Variants in NTM observed in about 807,000 individuals in gnomAD.
The protein encoded by NTM is neurotrimin, also known as IgLON family member 2.
A neutral mutation model predicts 42.1 loss-of-function variants in NTM; 13 were observed. The observed-to-expected ratio is 0.31, with a 90% confidence interval of 0.20 to 0.49. The LOEUF is 0.49. NTM is among the 20% of genes least tolerant of loss of function. NTM has a pLI of 0.99. For synonymous variants in NTM, 187 were observed against 179.2 expected (o/e 1.04, Z -0.35); for missense variants, 373 against 452.8 (o/e 0.82, Z 1.60).
At chr11:132,189,171 A>C (rs562180782) in intron 3 of NTM, among the ~76,000 whole-genome samples, 28 of 152,298 alleles carry the variant, frequency 1.8e-4, no homozygotes, top group African/African-American at 6.7e-4. Flanking sequence ...GCAAGTCTAT[A>C]GTGTGTGCTT....
intron 1 of NTM, among the ~76,000 whole-genome samples, chr11:131,559,928 A>T (rs999543216): frequency 1.7e-4 from 26 of 152,220 alleles, no homozygotes; most frequent in Admixed American, 6.5e-5. Flanking sequence ...AGTCTCTAGC[A>T]TGGAAAACAG....
At chr11:131,811,481 G>A (rs578238236) in intron 1 of NTM, among the ~76,000 whole-genome samples, 1 of 152,316 alleles carries the variant, frequency 6.6e-6, no homozygotes, top group Non-Finnish European at 1.5e-5. Context: ...TGGAGGAAGA[G>A]CGAGTGGGAA....
At chr11:132,017,066 A>T (rs2073545041) in intron 2 of NTM, among the ~76,000 whole-genome samples, 1 of 151,974 alleles carries the variant, frequency 6.6e-6, no homozygotes, top group South Asian at 2.1e-4. Flanking sequence ...ATTTGCAAAT[A>T]TATTTTCCCA....
intron 1 of NTM, among the ~76,000 whole-genome samples, chr11:131,422,546 A>AT (rs1947644888): frequency 6.6e-6 from 1 of 152,186 alleles, no homozygotes; most frequent in East Asian, 1.9e-4. Flanking sequence ...TCTTGGGCAA[A>AT]TCTCAGAATC....
At chr11:131,971,246 C>T (rs1483535460) in intron 2 of NTM, among the ~76,000 whole-genome samples, 1 of 152,168 alleles carries the variant, frequency 6.6e-6, no homozygotes, top group African/African-American at 2.4e-5. Context: ...TCTCTGATTC[C>T]CATTTTTAAA....
chr11:131,899,778 G>GTT (rs35324377), intron 1 of NTM, among the ~76,000 whole-genome samples: 1 of 151,834 alleles, frequency 6.6e-6, no homozygotes, highest in Admixed American at 6.6e-5. Context: ...TTTCTTAAGA[G>GTT]TTTTTTTATT....
chr11:132,298,848 A>G (rs1446595056), intron 4 of NTM, among the ~76,000 whole-genome samples: 1 of 152,178 alleles, frequency 6.6e-6, no homozygotes, highest in Non-Finnish European at 1.5e-5. Context: ...GTCAGGATCT[A>G]TGATAAATGT....
At chr11:132,107,126 C>G (rs913164886) in intron 2 of NTM, among the ~76,000 whole-genome samples, 2 of 151,950 alleles carry the variant, frequency 1.3e-5, no homozygotes, top group Non-Finnish European at 2.9e-5. Context: ...GAATAGAGAC[C>G]CGTTCTCATG....
intron 1 of NTM, among the ~76,000 whole-genome samples, chr11:131,833,141 T>C (rs1310199550): frequency 6.6e-6 from 1 of 152,234 alleles, no homozygotes; most frequent in Non-Finnish European, 1.5e-5. Context: ...GACCACATAT[T>C]TTAGATTTCA....
At chr11:131,538,223 C>T (rs913320121) in intron 1 of NTM, 3 of 152,158 alleles carry the variant, frequency 2.0e-5, no homozygotes, top group Non-Finnish European at 4.4e-5. Context: ...CAGCAATGCA[C>T]AGGACTGTAG....
At chr11:132,072,819 C>G (rs1407965116) in intron 2 of NTM, among the ~76,000 whole-genome samples, 1 of 152,258 alleles carries the variant, frequency 6.6e-6, no homozygotes, top group South Asian at 2.1e-4. Flanking sequence ...TGTGATTCCT[C>G]CTCACTGTGG....
At chr11:131,699,562 T>C (rs2135149709) in intron 1 of NTM, among the ~76,000 whole-genome samples, 1 of 152,292 alleles carries the variant, frequency 6.6e-6, no homozygotes, top group Non-Finnish European at 1.5e-5. Context: ...CTCATGCTGC[T>C]AATAAAGACA....
rs148277292 is a variant in NTM at position 131,496,755 on chromosome 11, A to T, written c.82+125867A>T. Among the ~76,000 whole-genome samples, 406 of 152,348 alleles carry T rather than the reference A, an allele frequency of 2.7e-3. 2 individuals carry two copies. The highest frequency in any genetic ancestry group is 9.2e-3 in the African/African-American group (383 of 41,572). ...AATCCCAAATGGGTGTGTGGCTGCC[A>T]GGCATGCTGGCCCAGACAGCACCTC... is the stretch of plus-strand genomic sequence containing the variant. On this transcript the variant is annotated intron_variant, in intron 1 of 8. Transcript: ENST00000683400.
At chr11:131,785,668 T>C (rs1228984733) in intron 1 of NTM, among the ~76,000 whole-genome samples, 1 of 152,222 alleles carries the variant, frequency 6.6e-6, no homozygotes, top group Non-Finnish European at 1.5e-5. Context: ...TCAAAGACAC[T>C]GTTCTTGTAC....
chr11:132,278,058 C>T (rs11222996), intron 4 of NTM, among the ~76,000 whole-genome samples: 5,818 of 152,264 alleles, frequency 0.038, 211 homozygotes, highest in Admixed American at 0.1. Flanking sequence ...CTGTGGTATT[C>T]ACATCAACAT....
intron 1 of NTM, among the ~76,000 whole-genome samples, chr11:131,389,277 G>A (rs760865863): frequency 1.2e-4 from 18 of 152,322 alleles, no homozygotes; most frequent in Non-Finnish European, 1.6e-4. Flanking sequence ...CTCAGAGGGT[G>A]GGACCTTGAT....
At chr11:131,509,577 A>G (rs7113360) in intron 1 of NTM, among the ~76,000 whole-genome samples, 18,636 of 152,204 alleles carry the variant, frequency 0.12, 1,359 homozygotes, top group East Asian at 0.26. Flanking sequence ...AGGAAGACAT[A>G]GAAGACCCAG....
intron 1 of NTM, among the ~76,000 whole-genome samples, chr11:131,451,215 C>G (rs1382377457): frequency 6.6e-6 from 1 of 152,088 alleles, no homozygotes; most frequent in Non-Finnish European, 1.5e-5. Flanking sequence ...ATGCCTATAT[C>G]CAAGTGGGAC....
intron 1 of NTM, among the ~76,000 whole-genome samples, chr11:131,608,261 G>C (rs908818050): frequency 6.6e-6 from 1 of 152,144 alleles, no homozygotes; most frequent in Admixed American, 6.5e-5. Context: ...ATTCCATGGC[G>C]TATATGTGCC....
Sources: allele counts gnomAD v4.1 joint callset (sites outside exome capture counted in the v4.1 genomes callset), GRCh38; gene constraint gnomAD v4.1.1; transcripts MANE v1.5; gene names NCBI Gene and HGNC (gene_info 2026-07-23, HGNC 2026-07-21).